Variants in ADAM15 observed in about 807,000 individuals in gnomAD.
ADAM15 encodes ADAM metallopeptidase domain 15.
ADAM15 carries 77 observed loss-of-function variants against 113.8 expected under a neutral mutation model. The ratio of observed to expected loss-of-function variants is 0.68; its 90% CI spans 0.56 to 0.82. The LOEUF (loss-of-function observed/expected upper bound fraction) is 0.82. Ranked by LOEUF, ADAM15 falls within the 40% of genes least tolerant of loss-of-function variation. The probability of loss-of-function intolerance (pLI) is 0.00; values close to 1 mark genes in which losing one functional copy is unlikely to be tolerated. For missense variants in ADAM15, 963 were observed against 1,120.1 expected, an observed-to-expected ratio of 0.86 and a Z score of 2.00; for synonymous variants, 388 against 454.1, an observed-to-expected ratio of 0.85 and a Z score of 1.85.
rs752079143 is a variant in ADAM15, at chr1:155,056,497, A to C, written c.999+27A>C. 5.6e-6 allele frequency: 9 copies of C among 1,602,884 alleles called. No homozygotes were observed. Among genetic ancestry groups the C allele is most frequent in the East Asian group, 2.2e-5 (1 of 44,850 alleles). ...TGAGTTATTTCCAGGTCTCCTCCTCATTCCCAATTCAGTTCCTCCCAAGTG... is the reference window on the plus strand; with the variant it reads ...TGAGTTATTTCCAGGTCTCCTCCTCCTTCCCAATTCAGTTCCTCCCAAGTG... On this transcript the variant is annotated intron_variant, in intron 10 of 22. Coordinates refer to ENST00000356955, the MANE Select transcript of ADAM15 (RefSeq NM_207197.3). This position sits in a 1 kb window ranked among gnomAD's most constrained non-coding sequence, Gnocchi z 4.0.
Position 155,062,748 on chromosome 1 carries a change from G to A in ADAM15, c.*246G>A, listed in dbSNP as rs1307931789. The A allele has an allele frequency of 1.2e-5, 6 of 494,434 alleles. No homozygotes were observed. The highest frequency in any genetic ancestry group is 1.8e-5 in the Non-Finnish European group (5 of 280,302). The allele number at this position is 494,434 out of a possible 1,614,324, so 30.6% of individuals were successfully genotyped here. ...CCGCACAGCCTGTCTCTGCTCAGTTGCAATAAACGTGACATCTTGGGAGCG... is the reference window on the plus strand; with the variant it reads ...CCGCACAGCCTGTCTCTGCTCAGTTACAATAAACGTGACATCTTGGGAGCG... On this transcript the variant is annotated 3_prime_UTR_variant, in exon 23 of 23. Transcript: ENST00000356955. This position sits in a 1 kb window ranked among gnomAD's most constrained non-coding sequence, Gnocchi z 7.0.
chr1:155,062,461 C>T lies in ADAM15; in HGVS notation c.2551C>T (p.Pro851Ser), dbSNP rs776688716. Reference sequence around the variant, plus strand: ...TTTTCTTGGCTTCCCGCAATCCAGACCAGCGCCACCGCCTCCGACAGTGTC... The same window carrying T: ...TTTTCTTGGCTTCCCGCAATCCAGATCAGCGCCACCGCCTCCGACAGTGTC... Reference protein sequence around the residue: ...GIPPLVVPSRPAPPPPTVSSL... With the variant: ...GIPPLVVPSRSAPPPPTVSSL... Residue 851 changes from proline (P) to serine (S), a missense_variant and splice_region_variant, in exon 23 of 23, where the codon CCA becomes TCA. Pro to Ser is a moderately conservative substitution (Grantham distance 74, BLOSUM62 -1). Coordinates refer to ENST00000356955, the MANE Select transcript of ADAM15 (RefSeq NM_207197.3). The surrounding 1 kb of genome is among the most constrained non-coding windows in gnomAD (Gnocchi z 7.0). The T allele has an allele frequency of 1.2e-5, 19 of 1,613,258 alleles. No homozygotes were observed. The highest frequency in any genetic ancestry group is 1.4e-5 in the Non-Finnish European group (17 of 1,179,988).
Position 155,058,023 on chromosome 1 carries a change from A to G in ADAM15, c.1589A>G (p.Gln530Arg), listed in dbSNP as rs749202910. Residue 530 changes from glutamine (Q) to arginine (R), a missense_variant, in exon 14 of 23, where the codon CAG (glutamine) becomes CGG (arginine). Transcript: ENST00000356955. This position sits in a 1 kb window ranked among gnomAD's most constrained non-coding sequence, Gnocchi z 4.3. ...GGGCGTTGTGCCTCCTATGCCCAGC[A>G]GTGCCAGTCACTTTGGGGACCTGGA... Reference protein sequence around the residue: ...MHGRCASYAQQCQSLWGPGAQ... With the variant: ...MHGRCASYAQRCQSLWGPGAQ... 4 of 1,614,086 alleles carry G rather than the reference A, an allele frequency of 2.5e-6. No homozygotes were observed. The highest frequency in any genetic ancestry group is 3.3e-5 in the Admixed American group (2 of 60,036).
In ADAM15 at chr1:155,062,322, C is replaced by A. The variant is rs1662763572; in HGVS notation, c.2502C>A (p.Asp834Glu). The stretch of plus-strand genomic sequence containing the variant: ...CCCAGGGCCGGTGCCCATCGGGTGA[C>A]CTGCCCGGCCCAGGGGCTGGAATCC... ...ADPQGRCPSG[D>E]LPGPGAGIPP... The change falls in exon 22 of 23, where the codon GAC becomes GAA. Residue 834 changes from aspartate (D) to glutamate (E), a missense_variant. Asp to Glu is a conservative substitution (Grantham distance 45). Transcript: ENST00000356955. The surrounding 1 kb of genome is among the most constrained non-coding windows in gnomAD (Gnocchi z 7.0). 1.3e-6 allele frequency: 2 copies of A among 1,528,622 alleles called. No individual in the cohort carries two copies. Among genetic ancestry groups the A allele is most frequent in the Non-Finnish European group, 1.8e-6 (2 of 1,134,790 alleles). 94.7% of individuals were successfully genotyped at this position (1,528,622 alleles called of 1,614,324 possible). A position where few individuals can be genotyped will look rare whatever the true frequency, so the allele number is the denominator to read the frequency against.
chr1:155,061,446 C>T lies in ADAM15; in HGVS notation c.2309C>T (p.Pro770Leu), dbSNP rs146141248. The stretch of plus-strand genomic sequence containing the variant: ...AGTGCTCTCAGCTTCCCGGCCCCCC[C>T]TTCCAGGCCGCTGCCGCCTGACCCT... ...QASALSFPAP[P>L]SRPLPPDPVS... Residue 770 changes from proline to leucine, a missense_variant, in exon 20 of 23, where the codon CCT (proline) becomes CTT (leucine). Pro to Leu is a moderately conservative substitution (Grantham distance 98). Coordinates refer to ENST00000356955, the MANE Select transcript of ADAM15 (RefSeq NM_207197.3). 3 of 1,613,860 alleles carry T rather than the reference C, an allele frequency of 1.9e-6. No homozygotes were observed. Among genetic ancestry groups the T allele is most frequent in the South Asian group, 1.1e-5 (1 of 91,046 alleles).
rs1446727864 is a variant in ADAM15, at chr1:155,062,555, G to A, written c.*53G>A. 1 of 1,597,844 alleles carries A rather than the reference G, an allele frequency of 6.3e-7. No individual in the cohort carries two copies. The highest frequency in any genetic ancestry group is 8.5e-7 in the Non-Finnish European group (1 of 1,172,656). ...GCCGGACTTAGGGCTTCAAGAGGCG[G>A]GCGTGCCCTCTGGAGTCCCCTACCA... is the stretch of plus-strand genomic sequence containing the variant. On this transcript the variant is annotated 3_prime_UTR_variant, in exon 23 of 23. Transcript: ENST00000356955. This position sits in a 1 kb window ranked among gnomAD's most constrained non-coding sequence, Gnocchi z 7.0.
chr1:155,055,683 C>T, intron 6 of ADAM15, 107 bp from the exon 7 acceptor site: 1 of 1,243,510 alleles, frequency 8.0e-7, no homozygotes, highest in South Asian at 1.2e-5. Flanking sequence ...GGCTCTTCAC[C>T]CTCCTATTTG....
chr1:155,059,846 A>C, intron 16 of ADAM15, 56 bp from the exon 17 acceptor site: 1 of 1,564,246 alleles, frequency 6.4e-7, no homozygotes, highest in Admixed American at 1.7e-5. Flanking sequence ...AAAGCTAGAG[A>C]CAAGGAAATA....
chr1:155,054,524 G>C lies in ADAM15; in HGVS notation c.612+18G>C, dbSNP rs1346999118. The C allele has an allele frequency of 1.9e-6, 3 of 1,546,904 alleles. No individual in the cohort carries two copies. The highest frequency in any genetic ancestry group is 2.3e-5 in the East Asian group (1 of 43,804). ...TTCGCCGGGTGAGGATGAATGGCAGGGGGGTGGGCTTTGGTTGTCTTGAGG... is the reference window on the plus strand; with the variant it reads ...TTCGCCGGGTGAGGATGAATGGCAGCGGGGTGGGCTTTGGTTGTCTTGAGG... On this transcript the variant is annotated intron_variant, in intron 6 of 22. Transcript: ENST00000356955.
Position 155,062,336 on chromosome 1 carries a change from G to A in ADAM15, c.2516G>A (p.Gly839Glu). 1 of 1,556,310 alleles carries A rather than the reference G, an allele frequency of 6.4e-7. No homozygotes were observed. The highest frequency in any genetic ancestry group is 8.7e-7 in the Non-Finnish European group (1 of 1,149,238). ...CCATCGGGTGACCTGCCCGGCCCAG[G>A]GGCTGGAATCCCGCCCCTAGTGGTA... is the stretch of plus-strand genomic sequence containing the variant. ...RCPSGDLPGP[G>E]AGIPPLVVPS... Residue 839 changes from glycine (G) to glutamate (E), a missense_variant, in exon 22 of 23, where the codon GGG becomes GAG. Transcript: ENST00000356955. This position sits in a 1 kb window ranked among gnomAD's most constrained non-coding sequence, Gnocchi z 7.0.
At chr1:155,061,071 G>A (rs770069865) in intron 19 of ADAM15, 27 of 583,896 alleles carry the variant, frequency 4.6e-5, no homozygotes, top group Admixed American at 1.2e-4. Context: ...CCGTCCGCTG[G>A]CCAAGAGGTG....
In ADAM15 at chr1:155,056,944, C is replaced by A; in HGVS notation, c.1000-9C>A. 6.5e-7 allele frequency: 1 copy of A among 1,544,526 alleles called. No homozygotes were observed. Among genetic ancestry groups the A allele is most frequent in the South Asian group, 1.3e-5 (1 of 79,660 alleles). On this transcript the variant is annotated splice_polypyrimidine_tract_variant and intron_variant, in intron 10 of 22. Coordinates refer to ENST00000356955, the MANE Select transcript of ADAM15 (RefSeq NM_207197.3). This position sits in a 1 kb window ranked among gnomAD's most constrained non-coding sequence, Gnocchi z 4.0. ...GGACTGGACCTACAGTACCCCTCCC[C>A]AATGACAGGACCACTCCACCAGCAT...
At position 155,062,014 on chromosome 1, in the gene ADAM15, C is replaced by A. The variant is rs375006248; in HGVS notation, c.2424+39C>A. ...GAGAGAAGGGCACGGCCTCTCCCCC[C>A]ACCTAGGGCTGTGGTGCTGGTAGCC... On this transcript the variant is annotated intron_variant, in intron 21 of 22. Coordinates refer to ENST00000356955, the MANE Select transcript of ADAM15 (RefSeq NM_207197.3). This position sits in a 1 kb window ranked among gnomAD's most constrained non-coding sequence, Gnocchi z 7.0. The A allele has an allele frequency of 1.7e-5, 26 of 1,506,402 alleles. No individual in the cohort carries two copies. The highest frequency in any genetic ancestry group is 1.9e-5 in the Non-Finnish European group (21 of 1,126,526). 93.3% of individuals were successfully genotyped at this position (1,506,402 alleles called of 1,614,324 possible).
At position 155,051,478 on chromosome 1, in the gene ADAM15, C is replaced by G; in HGVS notation, c.79+13C>G. The G allele has an allele frequency of 6.4e-7, 1 of 1,550,940 alleles. No individual in the cohort carries two copies. The highest frequency in any genetic ancestry group is 8.7e-7 in the Non-Finnish European group (1 of 1,154,488). On this transcript the variant is annotated intron_variant, in intron 1 of 22. Transcript: ENST00000356955. ...CTCCCAAATATAGGTGAGTCCTCCGCCTGGAGTGGGTCGGGGGGCGGACTG... is the reference window on the plus strand; with the variant it reads ...CTCCCAAATATAGGTGAGTCCTCCGGCTGGAGTGGGTCGGGGGGCGGACTG...
rs753146133 is a variant in ADAM15, at chr1:155,056,441, TCTC to T, written c.973_975del (p.Pro325del). 2.5e-6 allele frequency: 4 copies of T among 1,614,098 alleles called. No homozygotes were observed. The highest frequency in any genetic ancestry group is 3.3e-5 in the Admixed American group (2 of 60,022). On this transcript the variant is annotated inframe_deletion, in exon 10 of 23. Transcript: ENST00000356955. This position sits in a 1 kb window ranked among gnomAD's most constrained non-coding sequence, Gnocchi z 4.0. ...CATGGCCATTCAGAACTCCATCTGTTCTCCTGACTTCTCAGGAGGTGTGAACAT... is the reference window on the plus strand; with the variant it reads ...CATGGCCATTCAGAACTCCATCTGTTCTGACTTCTCAGGAGGTGTGAACAT...
At chr1:155,054,605 T>G in intron 6 of ADAM15, 99 bp downstream of exon 6, 1 of 1,301,956 alleles carries the variant, frequency 7.7e-7, no homozygotes, top group African/African-American at 1.5e-5. Context: ...CTCCTGCGAA[T>G]GGAGCACTTT....
chr1:155,056,525 G>T lies in ADAM15; in HGVS notation c.999+55G>T. Reference sequence around the variant, plus strand: ...CCCAATTCAGTTCCTCCCAAGTGTGGTGGCATTTATGCACTGAAACCCCCC... The same window carrying T: ...CCCAATTCAGTTCCTCCCAAGTGTGTTGGCATTTATGCACTGAAACCCCCC... On this transcript the variant is annotated intron_variant, in intron 10 of 22. Coordinates refer to ENST00000356955, the MANE Select transcript of ADAM15 (RefSeq NM_207197.3). The surrounding 1 kb of genome is among the most constrained non-coding windows in gnomAD (Gnocchi z 4.0). The T allele has an allele frequency of 1.3e-6, 2 of 1,566,968 alleles. No homozygotes were observed. Among genetic ancestry groups the T allele is most frequent in the Non-Finnish European group, 1.8e-6 (2 of 1,140,908 alleles).
In ADAM15 at chr1:155,056,805, C is replaced by G; in HGVS notation, c.1000-148C>G. On this transcript the variant is annotated intron_variant, in intron 10 of 22. Transcript: ENST00000356955. The surrounding 1 kb of genome is among the most constrained non-coding windows in gnomAD (Gnocchi z 4.0). ...TTCTGCCATCCAGGCCTGGGTTCTCCTACTTTAGAAGCAATTCAGGAGGGA... is the reference window on the plus strand; with the variant it reads ...TTCTGCCATCCAGGCCTGGGTTCTCGTACTTTAGAAGCAATTCAGGAGGGA... 8.1e-7 allele frequency: 1 copy of G among 1,228,550 alleles called. No homozygotes were observed. Among genetic ancestry groups the G allele is most frequent in the Non-Finnish European group, 1.1e-6 (1 of 882,538 alleles). 76.1% of individuals were successfully genotyped at this position (1,228,550 alleles called of 1,614,324 possible).
rs1297783319 is a variant in ADAM15, at chr1:155,056,692, A to G, written c.999+222A>G. 6.6e-6 allele frequency among the ~76,000 whole-genome samples: 1 copy of G among 152,060 alleles called. No homozygotes were observed. Among genetic ancestry groups the G allele is most frequent in the Non-Finnish European group, 1.5e-5 (1 of 68,000 alleles). ...CCTGTGCAGTCTTCCCATTTCTTAG[A>G]GGAGGGTAGGAGGCAGCTAAGGCCC... On this transcript the variant is annotated intron_variant, in intron 10 of 22. Coordinates refer to ENST00000356955, the MANE Select transcript of ADAM15 (RefSeq NM_207197.3). The surrounding 1 kb of genome is among the most constrained non-coding windows in gnomAD (Gnocchi z 4.0).
Sources: allele counts gnomAD v4.1 joint callset (sites outside exome capture counted in the v4.1 genomes callset), GRCh38; gene constraint gnomAD v4.1.1; non-coding constraint Gnocchi (gnomAD v3.1); transcripts MANE v1.5; gene names NCBI Gene and HGNC (gene_info 2026-07-23, HGNC 2026-07-21).